The following ATP2C2 variants were observed in gnomAD, a reference collection of about 807,000 sequenced individuals.
ATP2C2 encodes ATPase secretory pathway Ca2+ transporting 2.
ATP2C2 carries 171 observed loss-of-function variants against 110.8 expected under a neutral mutation model. That is an observed-to-expected ratio of 1.54 (90% CI 1.36 to 1.75). The LOEUF (loss-of-function observed/expected upper bound fraction) is 1.75. ATP2C2 is among the 40% of genes most tolerant of loss of function. The pLI is 0.00. For synonymous variants in ATP2C2, 804 were observed against 508.4 expected (o/e 1.58, Z -7.82); for missense variants, 1,963 against 1,235.0 (o/e 1.59, Z -8.84).
chr16:84,406,205 C>G lies in ATP2C2; in HGVS notation c.327+961C>G, dbSNP rs115077998. Among the ~76,000 whole-genome samples the G allele has an allele frequency of 3.9e-3, 594 of 152,294 alleles. 7 individuals are homozygous for G. Among genetic ancestry groups the G allele is most frequent in the African/African-American group, 0.014 (562 of 41,556 alleles). ...CGGTGCTGAATGAATGGCACACAAT[C>G]AAATGCCTGGAAGCCACTAAGAAGG... On this transcript the variant is annotated intron_variant, in intron 3 of 26. Transcript: ENST00000262429.
Position 84,369,048 on chromosome 16 carries a change from T to C in ATP2C2, c.99+334T>C, listed in dbSNP as rs575625200. Among the ~76,000 whole-genome samples the C allele has an allele frequency of 1.1e-3, 172 of 152,366 alleles. 1 individual carries two copies. The South Asian group carries it at 0.034, about 30-fold the overall frequency. On this transcript the variant is annotated intron_variant, in intron 1 of 26. Transcript: ENST00000262429. ...TCTGACTCCAGAGAATTAAAATTCC[T>C]GGGTCTCCAGACTTGGGCTGCTTTA...
intron 11 of ATP2C2, among the ~76,000 whole-genome samples, chr16:84,437,969 C>T (rs74474406): frequency 0.042 from 6,351 of 152,252 alleles, 446 homozygotes; most frequent in African/African-American, 0.15. Context: ...TGAATGGACT[C>T]GTGCTCTGAG....
intron 11 of ATP2C2, among the ~76,000 whole-genome samples, chr16:84,434,285 G>C (rs62050874): frequency 0.02 from 2,928 of 148,670 alleles, 96 homozygotes; most frequent in African/African-American, 0.068. Flanking sequence ...GTGTGGTGGT[G>C]GGCGCCTGTA....
intron 7 of ATP2C2, among the ~76,000 whole-genome samples, chr16:84,417,299 C>T (rs1361551503): frequency 6.6e-6 from 1 of 152,112 alleles, no homozygotes; most frequent in Non-Finnish European, 1.5e-5. Flanking sequence ...CCCCAGGCCC[C>T]ATAGCTCCTA....
At chr16:84,402,246 T>C (rs1051571279) in intron 2 of ATP2C2, among the ~76,000 whole-genome samples, 1 of 152,246 alleles carries the variant, frequency 6.6e-6, no homozygotes, top group African/African-American at 2.4e-5. Flanking sequence ...TTTTCAGATA[T>C]AAGATCATAT....
chr16:84,462,192 C>A, intron 26 of ATP2C2, 63 bp downstream of exon 26: 4 of 1,569,264 alleles, frequency 2.5e-6, no homozygotes, highest in Non-Finnish European at 3.5e-6. Flanking sequence ...CGGCAGCTGC[C>A]AGGTGGGGAG....
intron 17 of ATP2C2, among the ~76,000 whole-genome samples, chr16:84,449,143 T>C (rs897237948): frequency 1.3e-5 from 2 of 152,250 alleles, no homozygotes; most frequent in Non-Finnish European, 2.9e-5. Flanking sequence ...TTGGTGTCAT[T>C]TGTCACCCTG....
chr16:84,395,981 C>G (rs1369511702), intron 1 of ATP2C2, among the ~76,000 whole-genome samples: 1 of 152,138 alleles, frequency 6.6e-6, no homozygotes, highest in East Asian at 1.9e-4. Flanking sequence ...TAAACACTAA[C>G]TCCCCAGCCC....
intron 16 of ATP2C2, among the ~76,000 whole-genome samples, chr16:84,448,306 G>C (rs529834010): frequency 9.8e-5 from 15 of 152,306 alleles, no homozygotes; most frequent in African/African-American, 3.6e-4. Flanking sequence ...GGTAGTACAG[G>C]TTGAAGATTG....
chr16:84,416,877 A>T lies in ATP2C2; in HGVS notation c.624+1286A>T, dbSNP rs113221632. On this transcript the variant is annotated intron_variant, in intron 7 of 26. Transcript: ENST00000262429. ...TCCCCGCCTACAAGGAGGACTGGGG[A>T]AGCTGGGCTCACATTTTCCACGTTT... is the stretch of plus-strand genomic sequence containing the variant. Among the ~76,000 whole-genome samples the T allele has an allele frequency of 5.8e-3, 875 of 152,094 alleles. 8 individuals are homozygous for T. Among genetic ancestry groups the T allele is most frequent in the African/African-American group, 0.019 (785 of 41,492 alleles).
intron 1 of ATP2C2, among the ~76,000 whole-genome samples, chr16:84,375,852 A>G (rs1318121): frequency 6.6e-6 from 1 of 152,092 alleles, no homozygotes; most frequent in African/African-American, 2.4e-5. Flanking sequence ...AATTTTGTAG[A>G]CAGAAAAAAA....
At chr16:84,444,861 C>T (rs1020734175) in intron 15 of ATP2C2, among the ~76,000 whole-genome samples, 1 of 152,238 alleles carries the variant, frequency 6.6e-6, no homozygotes, top group Non-Finnish European at 1.5e-5. Flanking sequence ...GGGGCAAGCA[C>T]TTTGTGGTTC....
At chr16:84,375,042 CTCATA>C (rs1910171143) in intron 1 of ATP2C2, among the ~76,000 whole-genome samples, 1 of 152,130 alleles carries the variant, frequency 6.6e-6, no homozygotes, top group Non-Finnish European at 1.5e-5. Flanking sequence ...AAGGACTTGT[CTCATA>C]TCAGATACAA....
At chr16:84,413,580 G>A (rs1180208925) in intron 6 of ATP2C2, among the ~76,000 whole-genome samples, 1 of 152,208 alleles carries the variant, frequency 6.6e-6, no homozygotes, top group Non-Finnish European at 1.5e-5. Flanking sequence ...TTGATGATCC[G>A]ATCTTAAGCT....
chr16:84,394,185 A>G (rs1436864671), intron 1 of ATP2C2, among the ~76,000 whole-genome samples: 2 of 152,034 alleles, frequency 1.3e-5, no homozygotes, highest in East Asian at 3.9e-4. Context: ...CTCTGCCTCA[A>G]AAACGAAAAA....
At chr16:84,422,045 G>C (rs1907386321) in intron 7 of ATP2C2, among the ~76,000 whole-genome samples, 1 of 152,268 alleles carries the variant, frequency 6.6e-6, no homozygotes, top group East Asian at 1.9e-4. Flanking sequence ...AGATTGTACA[G>C]GCATCTCCAA....
At chr16:84,440,689 C>T (rs1567726542) in intron 13 of ATP2C2, among the ~76,000 whole-genome samples, 168 bp from the exon 14 acceptor site, 2 of 152,198 alleles carry the variant, frequency 1.3e-5, no homozygotes, top group South Asian at 2.1e-4. Context: ...CCATCCATGA[C>T]GTATCCAATT....
chr16:84,426,920 G>C lies in ATP2C2; in HGVS notation c.986+1119G>C, dbSNP rs540680624. Among the ~76,000 whole-genome samples the C allele has an allele frequency of 1.8e-4, 28 of 152,322 alleles. No homozygotes were observed. The South Asian group carries it at 5.4e-3, about 29-fold the overall frequency. The stretch of plus-strand genomic sequence containing the variant: ...GGTCCTGGTGGCCGAGACAGGGAGA[G>C]GCACGGGCAGCCCAGCATCGTGCAG... On this transcript the variant is annotated intron_variant, in intron 11 of 26. Coordinates refer to ENST00000262429, the MANE Select transcript of ATP2C2 (RefSeq NM_014861.4).
chr16:84,428,986 C>T (rs1364999016), intron 11 of ATP2C2, among the ~76,000 whole-genome samples: 2 of 152,108 alleles, frequency 1.3e-5, no homozygotes. Context: ...TGCCCAGGTT[C>T]TCGGTTTGTT....
Sources: gnomAD v4.1 joint callset for allele counts (sites outside exome capture counted in the v4.1 genomes callset) on GRCh38, gnomAD v4.1.1 for gene constraint, MANE v1.5 for transcripts, NCBI Gene and HGNC (gene_info 2026-07-23, HGNC 2026-07-21) for gene names.